MTUS2: variants seen among roughly 807,000 people sequenced by gnomAD.
The protein encoded by MTUS2 is microtubule-associated tumor suppressor candidate 2.
Under a neutral mutation model 114.1 loss-of-function variants are expected in MTUS2, and 40 were observed. The ratio of observed to expected loss-of-function variants is 0.35; its 90% CI spans 0.27 to 0.46. The LOEUF (loss-of-function observed/expected upper bound fraction) is 0.46, where lower values mean the gene tolerates loss of function less well. Ranked by LOEUF, MTUS2 falls within the 20% of genes least tolerant of loss-of-function variation. The probability of loss-of-function intolerance (pLI) is 1.00; values close to 1 mark genes in which losing one functional copy is unlikely to be tolerated. For synonymous variants in MTUS2, 688 were observed against 672.0 expected, an observed-to-expected ratio of 1.02 and a Z score of -0.37; for missense variants, 1,679 against 1,705.4, an observed-to-expected ratio of 0.98 and a Z score of 0.27.
intron 2 of MTUS2, among the ~76,000 whole-genome samples, chr13:28,884,243 A>C (rs1878457580): frequency 6.6e-6 from 1 of 152,240 alleles, no homozygotes; most frequent in African/African-American, 2.4e-5. Flanking sequence ...GGAAATTCTG[A>C]CCTATGCTGA....
intron 4 of MTUS2, among the ~76,000 whole-genome samples, chr13:29,076,141 C>CT (rs1593450119): frequency 1.3e-5 from 2 of 152,200 alleles, no homozygotes; most frequent in African/African-American, 4.8e-5. Context: ...CCTCAGCTTC[C>CT]TTTAAGCCTT....
At chr13:28,846,055 A>T (rs370618151) in intron 2 of MTUS2, among the ~76,000 whole-genome samples, 1,463 of 143,158 alleles carry the variant, frequency 0.01, 20 homozygotes, top group African/African-American at 0.029. Flanking sequence ...TTAAAAAAAA[A>T]ATATATATAT....
intron 5 of MTUS2, among the ~76,000 whole-genome samples, chr13:29,227,366 G>A (rs894027628): frequency 3.3e-5 from 5 of 152,144 alleles, no homozygotes; most frequent in African/African-American, 1.2e-4. Flanking sequence ...CTCTTTGGGA[G>A]TTTCAGCTAT....
At chr13:29,274,215 G>A (rs925772493) in intron 5 of MTUS2, among the ~76,000 whole-genome samples, 1 of 152,012 alleles carries the variant, frequency 6.6e-6, no homozygotes, top group Non-Finnish European at 1.5e-5. Flanking sequence ...CCAGGTTCAC[G>A]CCATTCTCTT....
chr13:29,334,970 A>G (rs778972038), intron 7 of MTUS2, among the ~76,000 whole-genome samples: 2 of 152,194 alleles, frequency 1.3e-5, no homozygotes, highest in Non-Finnish European at 1.5e-5. Context: ...AACTGCACAA[A>G]CTGTAGAGCA....
rs534109018 is a variant in MTUS2 at position 29,431,774 on chromosome 13, T to C, written c.3118-8209T>C. ...CTCATGGTAAACACAGTGGGAGATATGGTGCATAGGGAGTGTGGGGAAATT... is the reference window on the plus strand; with the variant it reads ...CTCATGGTAAACACAGTGGGAGATACGGTGCATAGGGAGTGTGGGGAAATT... On this transcript the variant is annotated intron_variant, in intron 8 of 15. Transcript: ENST00000612955. Among the ~76,000 whole-genome samples the C allele has an allele frequency of 2.8e-4, 42 of 152,296 alleles. 1 individual carries two copies. Among genetic ancestry groups the C allele is most frequent in the Non-Finnish European group, 5.1e-4 (35 of 68,014 alleles).
intron 6 of MTUS2, among the ~76,000 whole-genome samples, chr13:29,318,191 G>A (rs1900090615): frequency 6.7e-6 from 1 of 149,890 alleles, no homozygotes; most frequent in African/African-American, 2.4e-5. Flanking sequence ...TACTTATATT[G>A]AGATTTACTT....
At chr13:29,149,310 G>A (rs1306822278) in intron 5 of MTUS2, among the ~76,000 whole-genome samples, 4 of 152,016 alleles carry the variant, frequency 2.6e-5, no homozygotes, top group Non-Finnish European at 4.4e-5. Flanking sequence ...TTTGTTGGCC[G>A]CATGTATGTC....
intron 2 of MTUS2, among the ~76,000 whole-genome samples, chr13:28,892,734 G>A (rs1001726993): frequency 6.6e-6 from 1 of 152,014 alleles, no homozygotes; most frequent in African/African-American, 2.4e-5. Flanking sequence ...AATCTACTAT[G>A]TAAAACACAT....
At chr13:29,481,489 T>A (rs957885678) in intron 10 of MTUS2, among the ~76,000 whole-genome samples, 4 of 152,188 alleles carry the variant, frequency 2.6e-5, no homozygotes, top group Non-Finnish European at 5.9e-5. Flanking sequence ...GTGCTTATGA[T>A]ATGCTTAAGG....
At chr13:29,359,162 T>C in intron 7 of MTUS2, 100 bp from the exon 8 acceptor site, 3 of 1,148,776 alleles carry the variant, frequency 2.6e-6, no homozygotes, top group Non-Finnish European at 3.6e-6. Context: ...CAATTTCTTC[T>C]CTACCACTTG....
chr13:29,107,967 G>A (rs1299058670), intron 5 of MTUS2, among the ~76,000 whole-genome samples: 2 of 152,142 alleles, frequency 1.3e-5, no homozygotes, highest in African/African-American at 4.8e-5. Context: ...AAAACTGCTA[G>A]CCTTTTGGAA....
intron 5 of MTUS2, among the ~76,000 whole-genome samples, chr13:29,212,005 C>T (rs914261): frequency 0.15 from 22,668 of 152,124 alleles, 1,868 homozygotes; most frequent in East Asian, 0.31. Flanking sequence ...TCTTTTGACT[C>T]TTCTTCTGCT....
At chr13:29,031,352 CAT>C (rs1243021952) in intron 3 of MTUS2, among the ~76,000 whole-genome samples, 33 of 150,470 alleles carry the variant, frequency 2.2e-4, no homozygotes, top group Admixed American at 2.0e-3. Flanking sequence ...ATATATATCT[CAT>C]ATGTAGAGAC....
intron 5 of MTUS2, among the ~76,000 whole-genome samples, chr13:29,219,044 C>T (rs1168742360): frequency 1.4e-3 from 205 of 148,910 alleles, no homozygotes; most frequent in African/African-American, 5.0e-3. Context: ...CATATGTATA[C>T]ATGTGCCATG....
intron 9 of MTUS2, among the ~76,000 whole-genome samples, chr13:29,471,928 C>T (rs767248539): frequency 7.9e-5 from 12 of 152,178 alleles, no homozygotes; most frequent in Non-Finnish European, 1.8e-4. Context: ...AGCGCCAGCT[C>T]CCTTTTGGTC....
rs148566402 is a variant in MTUS2 at position 29,052,150 on chromosome 13, A to G, written c.2446+18025A>G. 2.3e-3 allele frequency among the ~76,000 whole-genome samples: 343 copies of G among 152,314 alleles called. 1 individual carries two copies. The highest frequency in any genetic ancestry group is 7.8e-3 in the African/African-American group (325 of 41,572). On this transcript the variant is annotated intron_variant, in intron 4 of 15. Transcript: ENST00000612955. Reference sequence around the variant, plus strand: ...TGTAATTTTACAAAATATTGTCTGCAGTCATTTTGCAGTCCTTTTGCTCAG... The same window carrying G: ...TGTAATTTTACAAAATATTGTCTGCGGTCATTTTGCAGTCCTTTTGCTCAG...
chr13:28,874,297 G>A (rs541471856), intron 2 of MTUS2, among the ~76,000 whole-genome samples: 16 of 152,166 alleles, frequency 1.1e-4, no homozygotes, highest in African/African-American at 2.9e-4. Flanking sequence ...ACCATGCCCC[G>A]CCACTTAATT....
At chr13:29,142,850 G>A (rs1263640303) in intron 5 of MTUS2, among the ~76,000 whole-genome samples, 1 of 152,208 alleles carries the variant, frequency 6.6e-6, no homozygotes, top group Non-Finnish European at 1.5e-5. Flanking sequence ...TCAAACATAA[G>A]CCAAGAGGGC....
Sources: gnomAD v4.1 joint callset for allele counts (sites outside exome capture counted in the v4.1 genomes callset) on GRCh38, gnomAD v4.1.1 for gene constraint, MANE v1.5 for transcripts, NCBI Gene and HGNC (gene_info 2026-07-23, HGNC 2026-07-21) for gene names.